The following EXT2 variants were observed in gnomAD, a reference collection of about 807,000 sequenced individuals.
The protein encoded by EXT2 is exostosin-2.
Under a neutral mutation model 81.6 loss-of-function variants are expected in EXT2, and 53 were observed. That is an observed-to-expected ratio of 0.65 (90% CI 0.52 to 0.82). The LOEUF is 0.82. EXT2 is among the 40% of genes least tolerant of loss of function. The pLI is 0.00. For synonymous variants in EXT2, 320 were observed against 340.0 expected, an observed-to-expected ratio of 0.94 and a Z score of 0.65; for missense variants, 774 against 910.2, an observed-to-expected ratio of 0.85 and a Z score of 1.93.
intron 3 of EXT2, among the ~76,000 whole-genome samples, chr11:44,111,330 C>T (rs760429976): frequency 9.9e-5 from 15 of 152,100 alleles, no homozygotes; most frequent in East Asian, 1.9e-4. Flanking sequence ...AAGAGTAAAA[C>T]GTAAAAACCT....
intron 13 of EXT2, among the ~76,000 whole-genome samples, chr11:44,239,361 A>G (rs1212198679): frequency 6.9e-6 from 1 of 145,758 alleles, no homozygotes; most frequent in African/African-American, 2.5e-5. Flanking sequence ...ATAATAAGAT[A>G]TGTGATTTGG....
At chr11:44,119,138 A>G (rs1189451740) in intron 4 of EXT2, among the ~76,000 whole-genome samples, 2 of 30,174 alleles carry the variant, frequency 6.6e-5, no homozygotes, top group African/African-American at 2.3e-4. Flanking sequence ...ATATATATAT[A>G]TATATATATA....
chr11:44,168,947 C>T (rs902480894), intron 7 of EXT2, among the ~76,000 whole-genome samples: 4 of 152,110 alleles, frequency 2.6e-5, no homozygotes, highest in Non-Finnish European at 4.4e-5. Flanking sequence ...TGTCCCCAGA[C>T]GCGGTGGCTC....
At position 44,232,360 on chromosome 11, in the gene EXT2, G is replaced by C; in HGVS notation, c.1670G>C (p.Arg557Pro). 1 of 1,613,902 alleles carries C rather than the reference G, an allele frequency of 6.2e-7. No homozygotes were observed. Among genetic ancestry groups the C allele is most frequent in the Non-Finnish European group, 8.5e-7 (1 of 1,179,924 alleles). Residue 557 changes from arginine to proline, a missense_variant, in exon 11 of 14, where the codon CGG becomes CCG. By Grantham distance (103) the Arg-to-Pro change is moderately radical (BLOSUM62 -2). Around this residue, in one of 2 missense-constraint regions of EXT2, gnomAD observed 148 missense variants for 239.7 expected, o/e 0.62. Coordinates refer to ENST00000533608, the MANE Select transcript of EXT2 (RefSeq NM_207122.2). ...TTATGTGTCTGTCCTTAGGTCTGGC[G>C]GGAATTTCCTGACCGGTTGGTGGGT... ...DELQFGYEVW[R>P]EFPDRLVGYP...
rs370017441 is a variant in EXT2 at position 44,125,003 on chromosome 11, C to G, written c.939+19C>G. ...GCTACAGGTGAGTGTCATTCATTAC[C>G]TCTCGCAAAGGCTCAGGAGAGTTTG... is the stretch of plus-strand genomic sequence containing the variant. On this transcript the variant is annotated intron_variant, in intron 5 of 13. Transcript: ENST00000533608. 3.2e-5 allele frequency: 51 copies of G among 1,610,508 alleles called. No homozygotes were observed. In the African/African-American group the frequency reaches 6.3e-4, roughly 20 times the overall value.
intron 9 of EXT2, among the ~76,000 whole-genome samples, chr11:44,199,270 T>A (rs1955494838): frequency 6.6e-6 from 1 of 152,098 alleles, no homozygotes; most frequent in Non-Finnish European, 1.5e-5. Context: ...AGGATGAGAA[T>A]ACAGAAAGGA....
At chr11:44,154,643 G>A (rs1954834983) in intron 7 of EXT2, among the ~76,000 whole-genome samples, 1 of 152,006 alleles carries the variant, frequency 6.6e-6, no homozygotes, top group African/African-American at 2.4e-5. Context: ...CCTTTCTTTT[G>A]ATATATATAC....
chr11:44,223,695 C>T (rs761223644), intron 10 of EXT2, among the ~76,000 whole-genome samples: 9 of 147,044 alleles, frequency 6.1e-5, no homozygotes, highest in Non-Finnish European at 1.0e-4. Context: ...TGTCGCCTGG[C>T]GACAGAGTGT....
At chr11:44,131,947 A>T (rs1296216799) in intron 7 of EXT2, among the ~76,000 whole-genome samples, 1 of 152,212 alleles carries the variant, frequency 6.6e-6, no homozygotes, top group African/African-American at 2.4e-5. Context: ...CATGTTGGCC[A>T]GGCTGGTCGA....
intron 9 of EXT2, among the ~76,000 whole-genome samples, chr11:44,199,059 T>C (rs1401756777): frequency 1.3e-5 from 2 of 152,224 alleles, no homozygotes; most frequent in African/African-American, 4.8e-5. Context: ...TTTGAGTAAA[T>C]AAAACAGCTA....
chr11:44,168,949 C>T (rs1000994372), intron 7 of EXT2, among the ~76,000 whole-genome samples: 6 of 152,106 alleles, frequency 3.9e-5, no homozygotes, highest in Admixed American at 1.3e-4. Flanking sequence ...TCCCCAGACG[C>T]GGTGGCTCTT....
intron 8 of EXT2, among the ~76,000 whole-genome samples, chr11:44,182,350 C>T (rs1955247456): frequency 6.6e-6 from 1 of 152,054 alleles, no homozygotes; most frequent in Admixed American, 6.6e-5. Context: ...TCCAGAGCCC[C>T]TTCTTCCAGG....
intron 7 of EXT2, among the ~76,000 whole-genome samples, chr11:44,159,524 CATT>C (rs1367635371): frequency 6.6e-6 from 1 of 152,084 alleles, no homozygotes; most frequent in African/African-American, 2.4e-5. Context: ...TCTCTGTTTA[CATT>C]ATTCATCTGT....
Position 44,245,104 on chromosome 11 carries a change from A to C in EXT2, c.*817A>C, listed in dbSNP as rs1200360754. ...AAGCGTAAGAAGGTCCCAAATCATA[A>C]CCATTTTAAGAACAGATGACTCAGA... is the stretch of plus-strand genomic sequence containing the variant. On this transcript the variant is annotated 3_prime_UTR_variant, in exon 14 of 14. Transcript: ENST00000533608. 1 of 230,668 alleles carries C rather than the reference A, an allele frequency of 4.3e-6. No homozygotes were observed. The highest frequency in any genetic ancestry group is 6.1e-5 in the East Asian group (1 of 16,286). 14.3% of individuals were successfully genotyped at this position (230,668 alleles called of 1,614,324 possible).
chr11:44,108,400 T>TG (rs1366358277), intron 2 of EXT2, 152 bp downstream of exon 2: 1 of 851,290 alleles, frequency 1.2e-6, no homozygotes, highest in African/African-American at 1.7e-5. Context: ...GGGACTGACT[T>TG]GCAGCATGAG....
At chr11:44,224,113 T>C (rs1328074298) in intron 10 of EXT2, among the ~76,000 whole-genome samples, 1 of 152,212 alleles carries the variant, frequency 6.6e-6, no homozygotes, top group Non-Finnish European at 1.5e-5. Flanking sequence ...CTCTGCATTA[T>C]TTCTTACAAC....
intron 3 of EXT2, 46 bp from the exon 4 acceptor site, chr11:44,114,137 AAT>A: frequency 6.7e-7 from 1 of 1,498,256 alleles, no homozygotes; most frequent in Non-Finnish European, 9.3e-7. Flanking sequence ...TGTGTATCAG[AAT>A]AAAGTCCTTT....
chr11:44,121,164 A>C (rs1481142097), intron 4 of EXT2, among the ~76,000 whole-genome samples: 1 of 152,190 alleles, frequency 6.6e-6, no homozygotes, highest in Non-Finnish European at 1.5e-5. Context: ...TCTGCTTAAG[A>C]GAAGAGTAGT....
At position 44,244,358 on chromosome 11, in the gene EXT2, GATGTC is replaced by G; in HGVS notation, c.*73_*77del. Reference sequence around the variant, plus strand: ...AGAGAACAAGGCCTCCCAGCACTCTGATGTCAGAGTAGTAGGTTAAGGGTGGAAGG... The same window carrying G: ...AGAGAACAAGGCCTCCCAGCACTCTGAGAGTAGTAGGTTAAGGGTGGAAGG... On this transcript the variant is annotated 3_prime_UTR_variant, in exon 14 of 14. Transcript: ENST00000533608. The G allele has an allele frequency of 6.4e-7, 1 of 1,552,240 alleles. No homozygotes were observed. The highest frequency in any genetic ancestry group is 2.2e-5 in the East Asian group (1 of 44,560).
Sources: gnomAD v4.1 joint callset for allele counts (sites outside exome capture counted in the v4.1 genomes callset) on GRCh38, gnomAD v4.1.1 for gene constraint, gnomAD v4.1.1 regional missense constraint, MANE v1.5 for transcripts, NCBI Gene and HGNC (gene_info 2026-07-23, HGNC 2026-07-21) for gene names.